The following SGCZ variants were observed in gnomAD, a reference collection of about 807,000 sequenced individuals.
SGCZ encodes the protein sarcoglycan zeta.
SGCZ carries 40 observed loss-of-function variants against 41.3 expected under a neutral mutation model. The ratio of observed to expected loss-of-function variants is 0.97; its 90% CI spans 0.75 to 1.26. The LOEUF (loss-of-function observed/expected upper bound fraction) is 1.26. Ranked by LOEUF, SGCZ falls within the 50% of genes most tolerant of loss-of-function variation. The probability of loss-of-function intolerance (pLI) is 0.00; values close to 1 mark genes in which losing one functional copy is unlikely to be tolerated. For missense variants in SGCZ, 552 were observed against 369.8 expected (o/e 1.49, Z -4.04); for synonymous variants, 206 against 137.5 (o/e 1.50, Z -3.49).
intron 1 of SGCZ, among the ~76,000 whole-genome samples, chr8:14,745,721 C>T (rs147861812): frequency 2.4e-3 from 362 of 151,646 alleles, no homozygotes; most frequent in African/African-American, 8.3e-3. Flanking sequence ...GAAATTTAAC[C>T]GAGCTACAAG....
intron 2 of SGCZ, among the ~76,000 whole-genome samples, chr8:14,522,846 A>G (rs1802830838): frequency 6.6e-6 from 1 of 151,678 alleles, no homozygotes; most frequent in Non-Finnish European, 1.5e-5. Flanking sequence ...TTTCTAACCT[A>G]GTCACTTAGT....
intron 5 of SGCZ, among the ~76,000 whole-genome samples, chr8:14,130,552 A>T (rs779021914): frequency 6.6e-6 from 1 of 152,210 alleles, no homozygotes; most frequent in Non-Finnish European, 1.5e-5. Flanking sequence ...GAAGAAGGCT[A>T]AAGTACAGCA....
At chr8:14,876,672 A>G (rs559991258) in intron 1 of SGCZ, among the ~76,000 whole-genome samples, 4 of 152,350 alleles carry the variant, frequency 2.6e-5, no homozygotes, top group Admixed American at 6.5e-5. Context: ...CAAGGTGCCA[A>G]TAAAGTTATT....
At chr8:15,131,546 T>A (rs1323344746) in intron 1 of SGCZ, among the ~76,000 whole-genome samples, 2 of 152,240 alleles carry the variant, frequency 1.3e-5, no homozygotes, top group African/African-American at 4.8e-5. Context: ...TACAATCAAA[T>A]GATATTTTAT....
intron 1 of SGCZ, among the ~76,000 whole-genome samples, chr8:14,735,908 T>C (rs1442680344): frequency 6.6e-6 from 1 of 152,064 alleles, no homozygotes; most frequent in Non-Finnish European, 1.5e-5. Flanking sequence ...AGTAAAGCCA[T>C]TCCTGACTGA....
intron 1 of SGCZ, among the ~76,000 whole-genome samples, chr8:14,985,054 C>T (rs1176266353): frequency 1.9e-4 from 29 of 152,076 alleles, no homozygotes; most frequent in Non-Finnish European, 2.9e-5. Context: ...TACTGCCAAG[C>T]TCTGTTTATT....
intron 1 of SGCZ, among the ~76,000 whole-genome samples, chr8:14,758,672 T>C: frequency 6.6e-6 from 1 of 152,188 alleles, no homozygotes; most frequent in East Asian, 1.9e-4. Flanking sequence ...ATAACTACAT[T>C]AAAGCGAAAT....
intron 1 of SGCZ, among the ~76,000 whole-genome samples, chr8:15,161,613 T>G (rs1022054474): frequency 6.6e-6 from 1 of 152,106 alleles, no homozygotes; most frequent in Admixed American, 6.5e-5. Context: ...AAAGTCAAGT[T>G]TGGGGAAAGA....
chr8:14,631,269 A>G (rs973096642), intron 1 of SGCZ, among the ~76,000 whole-genome samples: 3 of 128,668 alleles, frequency 2.3e-5, no homozygotes, highest in African/African-American at 8.8e-5. Context: ...GTGATAATAC[A>G]GAACACATAG....
chr8:14,661,361 T>G (rs1404104711), intron 1 of SGCZ, among the ~76,000 whole-genome samples: 9 of 152,146 alleles, frequency 5.9e-5, no homozygotes, highest in African/African-American at 2.2e-4. Context: ...CTAGAAAATA[T>G]GAAAAAAATG....
At chr8:14,832,676 G>C (rs1229649956) in intron 1 of SGCZ, among the ~76,000 whole-genome samples, 2 of 152,090 alleles carry the variant, frequency 1.3e-5, no homozygotes, top group African/African-American at 2.4e-5. Context: ...TTGTTATCAG[G>C]GCCAGAGTAT....
chr8:15,110,089 C>A (rs538243707), intron 1 of SGCZ, among the ~76,000 whole-genome samples: 36 of 152,174 alleles, frequency 2.4e-4, no homozygotes, highest in Admixed American at 2.1e-3. Context: ...CTATCGTGAG[C>A]TTAGAAATCT....
At chr8:15,123,847 G>A (rs1487643340) in intron 1 of SGCZ, among the ~76,000 whole-genome samples, 2 of 152,094 alleles carry the variant, frequency 1.3e-5, no homozygotes, top group Non-Finnish European at 2.9e-5. Flanking sequence ...AAGGCTTTCC[G>A]GAAGAAAACG....
chr8:14,517,859 T>A (rs1398960964), intron 2 of SGCZ, among the ~76,000 whole-genome samples: 1 of 151,818 alleles, frequency 6.6e-6, no homozygotes, highest in African/African-American at 2.4e-5. Context: ...TGTAGTATTA[T>A]CATATTTTTA....
intron 1 of SGCZ, among the ~76,000 whole-genome samples, chr8:15,154,289 C>T (rs1799264503): frequency 6.6e-6 from 1 of 152,186 alleles, no homozygotes; most frequent in Admixed American, 6.5e-5. Flanking sequence ...ACTCAAAGTA[C>T]CTGTGGGCTG....
intron 3 of SGCZ, among the ~76,000 whole-genome samples, chr8:14,281,263 T>C (rs1413098499): frequency 6.6e-6 from 1 of 151,974 alleles, no homozygotes; most frequent in African/African-American, 2.4e-5. Flanking sequence ...AATGAAATAA[T>C]AAGTTTACAT....
chr8:14,363,347 A>ACT (rs1803594221), intron 2 of SGCZ, among the ~76,000 whole-genome samples: 1 of 152,130 alleles, frequency 6.6e-6, no homozygotes, highest in Non-Finnish European at 1.5e-5. Context: ...AGACTAGACT[A>ACT]CTATAGTTAT....
intron 1 of SGCZ, among the ~76,000 whole-genome samples, chr8:15,178,088 C>T (rs1490416961): frequency 1.3e-5 from 2 of 152,152 alleles, no homozygotes; most frequent in Non-Finnish European, 2.9e-5. Context: ...CTGCCATTTC[C>T]CCAGGACACT....
rs1393512410 is a variant in SGCZ at position 14,824,319 on chromosome 8, T to C, written c.40-269393A>G. Among the ~76,000 whole-genome samples, 3 of 152,146 alleles carry C rather than the reference T, an allele frequency of 2.0e-5. No homozygotes were observed. The East Asian group carries it at 5.8e-4, about 29-fold the overall frequency. ...CACTGACTACCGATTATTGGATCAT[T>C]ATACAACATAGATTTGTATCAAAGA... On this transcript the variant is annotated intron_variant, in intron 1 of 7. Transcript: ENST00000382080.
Sources: gnomAD v4.1 joint callset for allele counts (sites outside exome capture counted in the v4.1 genomes callset) on GRCh38, gnomAD v4.1.1 for gene constraint, MANE v1.5 for transcripts, NCBI Gene and HGNC (gene_info 2026-07-23, HGNC 2026-07-21) for gene names.